CENPX: variants seen among roughly 807,000 people sequenced by gnomAD.
CENPX encodes the protein centromere protein X.
CENPX carries 13 observed loss-of-function variants against 13.2 expected under a neutral mutation model. That is an observed-to-expected ratio of 0.98 (90% CI 0.64 to 1.56). The LOEUF (loss-of-function observed/expected upper bound fraction) is 1.56. CENPX is among the 40% of genes most tolerant of loss of function. CENPX has a pLI of 0.00. For synonymous variants in CENPX, 66 were observed against 47.2 expected (o/e 1.40, Z -1.63); for missense variants, 138 against 107.5 (o/e 1.28, Z -1.26).
chr17:82,020,231 C>T (rs1196907463), intron 1 of CENPX, among the ~76,000 whole-genome samples: 1 of 152,248 alleles, frequency 6.6e-6, no homozygotes, highest in Non-Finnish European at 1.5e-5. Flanking sequence ...AAGGCCTCGT[C>T]GAGTCCGGCC....
chr17:82,022,719 A>C (rs2043311469), intron 1 of CENPX, 107 bp downstream of exon 1: 1 of 1,363,758 alleles, frequency 7.3e-7, no homozygotes, highest in Admixed American at 2.0e-5. Flanking sequence ...CCCAACCTCA[A>C]AGGCACAGGG....
chr17:82,022,878 C>G lies in CENPX; in HGVS notation c.-17G>C, dbSNP rs765814404. ...TCCCTCCATGACCGCAGCCTCAACG[C>G]GCGCCCACCGGAACCCCGCCCCGCG... is the stretch of plus-strand genomic sequence containing the variant. On this transcript the variant is annotated 5_prime_UTR_variant, in exon 1 of 5. Coordinates refer to ENST00000392359, the MANE Select transcript of CENPX (RefSeq NM_001271006.2). 3.2e-6 allele frequency: 5 copies of G among 1,584,402 alleles called. No homozygotes were observed. Among genetic ancestry groups the G allele is most frequent in the Non-Finnish European group, 3.4e-6 (4 of 1,168,982 alleles).
intron 1 of CENPX, among the ~76,000 whole-genome samples, chr17:82,021,789 C>T (rs948347257): frequency 6.6e-6 from 1 of 152,242 alleles, no homozygotes; most frequent in Non-Finnish European, 1.5e-5. Context: ...CTGGTGTTCT[C>T]ACAACCACCC....
chr17:82,021,898 C>T (rs1171126341), intron 1 of CENPX, among the ~76,000 whole-genome samples: 2 of 152,228 alleles, frequency 1.3e-5, no homozygotes. Context: ...CCCCCCGCCC[C>T]CCACGCCTGC....
intron 1 of CENPX, among the ~76,000 whole-genome samples, chr17:82,020,774 T>C (rs1298958556): frequency 6.6e-6 from 1 of 151,678 alleles, no homozygotes; most frequent in Non-Finnish European, 1.5e-5. Context: ...ACGGCACTGC[T>C]CTGAGGAGAT....
chr17:82,019,940 C>G, intron 1 of CENPX, 31 bp from the exon 2 acceptor site: 1 of 1,524,102 alleles, frequency 6.6e-7, no homozygotes, highest in Non-Finnish European at 8.9e-7. Context: ...AGCGCCACGC[C>G]CCGCCCTCCC....
chr17:82,018,712 C>G lies in CENPX; in HGVS notation c.*493G>C. The G allele has an allele frequency of 4.1e-6, 1 of 241,148 alleles. No individual in the cohort carries two copies. Among genetic ancestry groups the G allele is most frequent in the Non-Finnish European group, 8.1e-6 (1 of 123,994 alleles). 14.9% of individuals were successfully genotyped at this position (241,148 alleles called of 1,614,324 possible). On this transcript the variant is annotated 3_prime_UTR_variant, in exon 5 of 5. Transcript: ENST00000392359. ...GGCAAGAAAGCCAAGCTGGGAGAGA[C>G]AGTTTTGATTTATTGATGTTGCTTT...
intron 1 of CENPX, chr17:82,022,543 C>T (rs1305804454): frequency 3.6e-6 from 2 of 548,538 alleles, no homozygotes; most frequent in Non-Finnish European, 6.4e-6. Context: ...CTCTCTTCGC[C>T]GGCTTGGACT....
intron 1 of CENPX, chr17:82,022,507 C>A (rs2043306074): frequency 9.8e-6 from 5 of 509,978 alleles, no homozygotes; most frequent in Non-Finnish European, 1.4e-5. Flanking sequence ...AGGCTCAGGG[C>A]GCAGGGCGGC....
rs1178194286 is a variant in CENPX, at chr17:82,022,568, C to G, written c.36+258G>C. The stretch of plus-strand genomic sequence containing the variant: ...CGGCTTGGACTCCGCCGTGACGGCG[C>G]CCACCCCTGCCTGTTTCTGCAGACC... On this transcript the variant is annotated intron_variant, in intron 1 of 4. Transcript: ENST00000392359. 3 of 563,752 alleles carry G rather than the reference C, an allele frequency of 5.3e-6. No individual in the cohort carries two copies. The East Asian group carries it at 9.8e-5, about 18-fold the overall frequency. The allele number at this position is 563,752 out of a possible 1,614,324, so 34.9% of individuals were successfully genotyped here.
intron 1 of CENPX, among the ~76,000 whole-genome samples, chr17:82,020,765 C>T (rs944357259): frequency 6.6e-6 from 1 of 152,110 alleles, no homozygotes. Context: ...CCCAAAAGGA[C>T]GGCACTGCTC....
chr17:82,021,620 C>T (rs1568009738), intron 1 of CENPX, among the ~76,000 whole-genome samples: 1 of 152,220 alleles, frequency 6.6e-6, no homozygotes, highest in South Asian at 2.1e-4. Context: ...CCCCCCACTC[C>T]CCGTCATTCT....
Position 82,022,835 on chromosome 17 carries a change from G to C in CENPX, c.27C>G (p.Gly9=). The C allele has an allele frequency of 1.3e-6, 2 of 1,592,218 alleles. No homozygotes were observed. The part of the protein sequence containing the change: MEGAGAGS[G]FRKELVSRLL... ...GCCCTCCGGCCCTCACCTTCCGGAA[G>C]CCGGATCCAGCTCCTGCTCCCTCCA... Residue 9 remains glycine, a synonymous_variant, in exon 1 of 5, where the codon GGC becomes GGG. Coordinates refer to ENST00000392359, the MANE Select transcript of CENPX (RefSeq NM_001271006.2).
rs530073764 is a variant in CENPX, at chr17:82,022,628, C to T, written c.36+198G>A. The T allele has an allele frequency of 1.9e-3, 1,209 of 632,970 alleles. 16 individuals carry two copies. The African/African-American group carries it at 0.021, about 11-fold the overall frequency. The allele number at this position is 632,970 out of a possible 1,614,324, so 39.2% of individuals were successfully genotyped here. ...TTCCCGCAGCCCCGGCTGCTCCACG[C>T]CCCCTCCTACCAGCTGCGAGACACC... On this transcript the variant is annotated intron_variant, in intron 1 of 4. Coordinates refer to ENST00000392359, the MANE Select transcript of CENPX (RefSeq NM_001271006.2).
rs1370904564 is a variant in CENPX, at chr17:82,018,824, G to A, written c.*381C>T. 6.2e-6 allele frequency: 2 copies of A among 320,430 alleles called. No homozygotes were observed. Among genetic ancestry groups the A allele is most frequent in the South Asian group, 1.6e-4 (1 of 6,400 alleles). 19.8% of individuals were successfully genotyped at this position (320,430 alleles called of 1,614,324 possible). A position where few individuals can be genotyped will look rare whatever the true frequency, so the allele number is the denominator to read the frequency against. The stretch of plus-strand genomic sequence containing the variant: ...GGTCACACGCCAGCTTTGATGTCGG[G>A]TGGCAGGAATGTGGGCAGGAGGCAG... On this transcript the variant is annotated 3_prime_UTR_variant, in exon 5 of 5. Transcript: ENST00000392359.
intron 1 of CENPX, among the ~76,000 whole-genome samples, chr17:82,021,570 G>T (rs1041499280): frequency 1.3e-5 from 2 of 151,620 alleles, no homozygotes; most frequent in Non-Finnish European, 3.0e-5. Flanking sequence ...GACACAGCCA[G>T]CTTTGCCCCA....
At chr17:82,019,505 A>C in intron 3 of CENPX, 124 bp from the exon 4 acceptor site, 1 of 1,520,878 alleles carries the variant, frequency 6.6e-7, no homozygotes, top group South Asian at 1.2e-5. Flanking sequence ...ACCAGGCCAC[A>C]GCACCTGACA....
Position 82,019,010 on chromosome 17 carries a change from G to C in CENPX, c.*195C>G. On this transcript the variant is annotated 3_prime_UTR_variant, in exon 5 of 5. Coordinates refer to ENST00000392359, the MANE Select transcript of CENPX (RefSeq NM_001271006.2). ...CCTTCCCACACCAGTGTCCCCACTG[G>C]ACACTCCAAGGCCCGCAGTGCACTG... The C allele has an allele frequency of 1.4e-6, 1 of 728,194 alleles. No individual in the cohort carries two copies. The highest frequency in any genetic ancestry group is 2.0e-6 in the Non-Finnish European group (1 of 489,474). The allele number at this position is 728,194 out of a possible 1,614,324, so 45.1% of individuals were successfully genotyped here. A position where few individuals can be genotyped will look rare whatever the true frequency, so the allele number is the denominator to read the frequency against.
intron 1 of CENPX, among the ~76,000 whole-genome samples, chr17:82,020,624 A>G (rs1382197112): frequency 6.6e-6 from 1 of 151,684 alleles, no homozygotes; most frequent in Non-Finnish European, 1.5e-5. Context: ...GGAAAGCAGC[A>G]CTGGCGTTGG....
Sources: allele counts gnomAD v4.1 joint callset (sites outside exome capture counted in the v4.1 genomes callset), GRCh38; gene constraint gnomAD v4.1.1; transcripts MANE v1.5; gene names NCBI Gene and HGNC (gene_info 2026-07-23, HGNC 2026-07-21).